ADGRA3: variants seen among roughly 807,000 people sequenced by gnomAD.
ADGRA3 encodes G-protein coupled receptor 125.
ADGRA3 carries 56 observed loss-of-function variants against 119.8 expected under a neutral mutation model. The observed-to-expected ratio is 0.47, with a 90% CI of 0.38 to 0.58. The LOEUF (loss-of-function observed/expected upper bound fraction) is 0.58. Ranked by LOEUF, ADGRA3 falls within the 20% of genes least tolerant of loss-of-function variation. The pLI, the probability that ADGRA3 is intolerant of heterozygous loss-of-function variation, is 0.00. For synonymous variants in ADGRA3, 607 were observed against 623.8 expected, an observed-to-expected ratio of 0.97 and a Z score of 0.40; for missense variants, 1,516 against 1,649.0, an observed-to-expected ratio of 0.92 and a Z score of 1.40.
chr4:22,491,107 C>T (rs1477581934), intron 1 of ADGRA3, among the ~76,000 whole-genome samples: 1 of 152,162 alleles, frequency 6.6e-6, no homozygotes, highest in Non-Finnish European at 1.5e-5. Flanking sequence ...CAATGTGTGC[C>T]ACATTAAATA....
intron 4 of ADGRA3, among the ~76,000 whole-genome samples, chr4:22,450,385 C>A (rs1420923698): frequency 6.6e-6 from 1 of 151,928 alleles, no homozygotes; most frequent in Non-Finnish European, 1.5e-5. Flanking sequence ...CATGCCTCAG[C>A]CTCCGGAGTA....
At chr4:22,482,502 AAAAAGT>A (rs1320416546) in intron 1 of ADGRA3, among the ~76,000 whole-genome samples, 2 of 151,774 alleles carry the variant, frequency 1.3e-5, no homozygotes, top group Non-Finnish European at 2.9e-5. Flanking sequence ...AAAAAAAAAA[AAAAAGT>A]AAAGACAACA....
At chr4:22,453,211 AAAAAAAG>A (rs1717120628) in intron 4 of ADGRA3, among the ~76,000 whole-genome samples, 2 of 77,580 alleles carry the variant, frequency 2.6e-5, no homozygotes, top group African/African-American at 3.0e-5. Context: ...AAAAAAAAAA[AAAAAAAG>A]AAAGAAAAAG....
At chr4:22,476,019 C>A (rs780362909) in intron 1 of ADGRA3, among the ~76,000 whole-genome samples, 9 of 152,096 alleles carry the variant, frequency 5.9e-5, no homozygotes, top group Admixed American at 5.9e-4. Flanking sequence ...CCTCCACCAC[C>A]CGACAAAGCT....
At chr4:22,470,537 C>A (rs1033371094) in intron 2 of ADGRA3, among the ~76,000 whole-genome samples, 4 of 152,120 alleles carry the variant, frequency 2.6e-5, no homozygotes, top group Non-Finnish European at 5.9e-5. Flanking sequence ...ATTTCAAGGC[C>A]ACAGCTTTGA....
At chr4:22,434,724 AT>A (rs1053317223) in intron 10 of ADGRA3, among the ~76,000 whole-genome samples, 4 of 152,214 alleles carry the variant, frequency 2.6e-5, no homozygotes, top group African/African-American at 9.6e-5. Context: ...GTGCTTGTCA[AT>A]TTTTTTCCCC....
intron 4 of ADGRA3, among the ~76,000 whole-genome samples, chr4:22,450,297 CT>C (rs1716988112): frequency 6.7e-6 from 1 of 150,270 alleles, no homozygotes; most frequent in Non-Finnish European, 1.5e-5. Flanking sequence ...AAGTCTCACT[CT>C]GTTGCCCAGG....
rs1490143852 is a variant in ADGRA3 at position 22,445,109 on chromosome 4, C to A, written c.570G>T (p.Leu190Phe). Residue 190 changes from leucine to phenylalanine, a missense_variant, in exon 6 of 19, where the codon TTG becomes TTT. Physicochemically the swap from Leu to Phe is conservative, Grantham distance 22. Around this residue, in one of 2 missense-constraint regions of ADGRA3, gnomAD observed 428 missense variants for 541.9 expected, o/e 0.79. Transcript: ENST00000334304. ...RSLEFQTEYL[L>F]CDCNILWMHR... ...GCATCCACAGTATGTTACAGTCACA[C>A]AAAAGATACTCAGTCTGGAATTCCC... The A allele has an allele frequency of 1.2e-6, 2 of 1,613,706 alleles. No homozygotes were observed. Among genetic ancestry groups the A allele is most frequent in the African/African-American group, 1.3e-5 (1 of 74,882 alleles).
intron 14 of ADGRA3, among the ~76,000 whole-genome samples, chr4:22,410,744 C>CT (rs1437411476): frequency 6.6e-6 from 1 of 152,026 alleles, no homozygotes; most frequent in East Asian, 1.9e-4. Context: ...ATTTCATTAA[C>CT]TTTTTCTTTA....
chr4:22,450,694 G>C (rs1029064203), intron 4 of ADGRA3, among the ~76,000 whole-genome samples: 5 of 151,972 alleles, frequency 3.3e-5, no homozygotes, highest in Non-Finnish European at 7.4e-5. Context: ...CTTTATCAGG[G>C]CAGATTTGGT....
In ADGRA3 at chr4:22,387,819, G is replaced by A. The variant is rs751722049; in HGVS notation, c.3852C>T (p.Asn1284=). The change falls in exon 19 of 19, where the codon AAC becomes AAT. Residue 1284 remains asparagine (N), a synonymous_variant. Coordinates refer to ENST00000334304, the MANE Select transcript of ADGRA3 (RefSeq NM_145290.4). ...TAATTGGTCCATTCTGAATGGCCAAGTTGAGGCCATAAGATTTTTGCTGAT... is the reference window on the plus strand; with the variant it reads ...TAATTGGTCCATTCTGAATGGCCAAATTGAGGCCATAAGATTTTTGCTGAT... ...LENQQKSYGL[N]LAIQNGPIKS... is the part of the protein sequence containing the mutation. 6.2e-7 allele frequency: 1 copy of A among 1,614,132 alleles called. No homozygotes were observed. Among genetic ancestry groups the A allele is most frequent in the Non-Finnish European group, 8.5e-7 (1 of 1,179,980 alleles).
chr4:22,435,280 G>C, intron 10 of ADGRA3, 31 bp downstream of exon 10: 1 of 1,571,008 alleles, frequency 6.4e-7, no homozygotes, highest in East Asian at 2.2e-5. Context: ...TGTTGACACT[G>C]TATGCTACAA....
chr4:22,495,179 G>T (rs6851751), intron 1 of ADGRA3, among the ~76,000 whole-genome samples: 149,508 of 152,044 alleles, frequency 0.98, 73,607 homozygotes, highest in Middle Eastern at 1. Context: ...GCAGGTAGCA[G>T]AGACAGCATG....
At chr4:22,428,913 G>A (rs1324572376) in intron 10 of ADGRA3, among the ~76,000 whole-genome samples, 1 of 152,134 alleles carries the variant, frequency 6.6e-6, no homozygotes, top group East Asian at 1.9e-4. Context: ...TGAGGTATAG[G>A]AGTAAAGAGA....
At chr4:22,425,401 G>GA (rs1715889424) in intron 10 of ADGRA3, among the ~76,000 whole-genome samples, 1 of 152,186 alleles carries the variant, frequency 6.6e-6, no homozygotes, top group South Asian at 2.1e-4. Context: ...AAATGCCACT[G>GA]AAAAGTCAAC....
At chr4:22,474,733 G>A in intron 1 of ADGRA3, among the ~76,000 whole-genome samples, 1 of 152,188 alleles carries the variant, frequency 6.6e-6, no homozygotes, top group Non-Finnish European at 1.5e-5. Context: ...GTACCCAGGA[G>A]TTCCTACTCC....
chr4:22,444,973 C>T lies in ADGRA3; in HGVS notation c.706G>A (p.Asp236Asn), dbSNP rs1252063250. The T allele has an allele frequency of 3.7e-6, 6 of 1,612,594 alleles. No homozygotes were observed. The highest frequency in any genetic ancestry group is 5.1e-6 in the Non-Finnish European group (6 of 1,179,760). The change falls in exon 6 of 19, where the codon GAC (aspartate) becomes AAC (asparagine). Residue 236 changes from aspartate (D) to asparagine (N), a missense_variant and splice_region_variant. Physicochemically the swap from Asp to Asn is conservative, Grantham distance 23. Around this residue, in one of 2 missense-constraint regions of ADGRA3, gnomAD observed 428 missense variants for 541.9 expected, o/e 0.79. Transcript: ENST00000334304. ...TTCTCAGTTTGGATTTCTCCCTTAC[C>T]GCATGTCAACAGCTCCTGCTTCACG... ...TGVKQELLTC[D>N]PPLELPSFYM... is the part of the protein sequence containing the mutation.
At chr4:22,445,213 TG>T in intron 5 of ADGRA3, 80 bp from the exon 6 acceptor site, 1 of 1,271,074 alleles carries the variant, frequency 7.9e-7, no homozygotes, top group Non-Finnish European at 1.1e-6. Flanking sequence ...GTTACATTTC[TG>T]GTGGCAAGCA....
At chr4:22,403,678 G>A (rs2066634701) in intron 14 of ADGRA3, among the ~76,000 whole-genome samples, 1 of 151,988 alleles carries the variant, frequency 6.6e-6, no homozygotes. Flanking sequence ...GGAGGTCAAG[G>A]CTGCAGTTAG....
Sources: gnomAD v4.1 joint callset for allele counts (sites outside exome capture counted in the v4.1 genomes callset) on GRCh38, gnomAD v4.1.1 for gene constraint, gnomAD v4.1.1 regional missense constraint, MANE v1.5 for transcripts, NCBI Gene and HGNC (gene_info 2026-07-23, HGNC 2026-07-21) for gene names.